The following FARP1 variants were observed in gnomAD, a reference collection of about 807,000 sequenced individuals.
FARP1 encodes the protein FERM, ARH/RhoGEF and pleckstrin domain protein 1.
Under a neutral mutation model 128.8 loss-of-function variants are expected in FARP1, and 52 were observed. That is an observed-to-expected ratio of 0.40 (90% CI 0.32 to 0.51). The LOEUF is 0.51. FARP1 is among the 20% of genes least tolerant of loss of function. The pLI is 0.45. For synonymous variants in FARP1, 580 were observed against 551.8 expected (o/e 1.05, Z -0.72); for missense variants, 1,333 against 1,367.9 (o/e 0.97, Z 0.40).
At chr13:98,203,623 C>G (rs1181240229) in intron 1 of FARP1, among the ~76,000 whole-genome samples, 1 of 152,136 alleles carries the variant, frequency 6.6e-6, no homozygotes, top group Non-Finnish European at 1.5e-5. Flanking sequence ...ATGGATAGAT[C>G]GCATTTGGTT....
rs188373378 is a variant in FARP1 at position 98,367,911 on chromosome 13, T to A, written c.320-206T>A. On this transcript the variant is annotated intron_variant, in intron 4 of 26. Transcript: ENST00000319562. ...GTAGTACTTTTGTCACAGTATTTTT[T>A]AAAAATGGATCTCTCTTTCCCCACA... Among the ~76,000 whole-genome samples the A allele has an allele frequency of 2.4e-3, 360 of 152,330 alleles. 5 individuals carry two copies. Among genetic ancestry groups the A allele is most frequent in the African/African-American group, 7.9e-3 (329 of 41,576 alleles).
chr13:98,409,829 C>T (rs1891122737), intron 14 of FARP1, among the ~76,000 whole-genome samples: 1 of 152,216 alleles, frequency 6.6e-6, no homozygotes, highest in South Asian at 2.1e-4. Flanking sequence ...ACTCTAGGTA[C>T]CTCATATAAG....
In FARP1 at chr13:98,213,247, G is replaced by A. The variant is rs1880838658; in HGVS notation, c.5G>A (p.Gly2Glu). Residue 2 changes from glycine to glutamate, a missense_variant, in exon 2 of 27, where the codon GGA becomes GAA. Coordinates refer to ENST00000319562, the MANE Select transcript of FARP1 (RefSeq NM_005766.4). M[G>E]EIEQRPTPGS... ...ATTCTCTAAGCCGCTTTCATCATGG[G>A]AGAAATAGAGCAGAGGCCGACCCCA... 1 of 1,611,714 alleles carries A rather than the reference G, an allele frequency of 6.2e-7. No homozygotes were observed. Among genetic ancestry groups the A allele is most frequent in the African/African-American group, 1.3e-5 (1 of 74,646 alleles).
chr13:98,407,937 G>T (rs1891042451), intron 13 of FARP1, among the ~76,000 whole-genome samples: 1 of 152,172 alleles, frequency 6.6e-6, no homozygotes, highest in Non-Finnish European at 1.5e-5. Context: ...ACTCCAGAGG[G>T]TGAGAACAGA....
At chr13:98,179,749 C>T (rs1312505199) in intron 1 of FARP1, among the ~76,000 whole-genome samples, 2 of 151,930 alleles carry the variant, frequency 1.3e-5, no homozygotes, top group South Asian at 2.1e-4. Context: ...CCCAGCTACT[C>T]GGAAGGCTGA....
Position 98,409,536 on chromosome 13 carries a change from G to A in FARP1, c.1602+11G>A, listed in dbSNP as rs777361910. The A allele has an allele frequency of 1.9e-6, 3 of 1,590,570 alleles. No individual in the cohort carries two copies. The highest frequency in any genetic ancestry group is 1.7e-4 in the Middle Eastern group (1 of 6,000). On this transcript the variant is annotated intron_variant, in intron 14 of 26. Coordinates refer to ENST00000319562, the MANE Select transcript of FARP1 (RefSeq NM_005766.4). ...GAGGGCCGGAGGAAGGTACAGGGCCGAGGGCTCAAGCGCGTGTGTGGCTGT... is the reference window on the plus strand; with the variant it reads ...GAGGGCCGGAGGAAGGTACAGGGCCAAGGGCTCAAGCGCGTGTGTGGCTGT...
At chr13:98,275,626 C>CTTTTTTTTTTTTTTTTTTTTTT (rs1566822544) in intron 2 of FARP1, among the ~76,000 whole-genome samples, 1 of 140,524 alleles carries the variant, frequency 7.1e-6, no homozygotes, top group Non-Finnish European at 1.5e-5. Flanking sequence ...TTCTCTTTCT[C>CTTTTTTTTTTTTTTTTTTTTTT]TCTTTTTTTT....
At chr13:98,392,323 C>CAAAATAAAAAAAAAA (rs1890338578) in intron 11 of FARP1, among the ~76,000 whole-genome samples, 1 of 60,410 alleles carries the variant, frequency 1.7e-5, no homozygotes, top group African/African-American at 6.6e-5. Flanking sequence ...CATCTCTACC[C>CAAAATAAAAAAAAAA]AAAAAAAAAA....
chr13:98,412,791 G>A (rs905732622), intron 16 of FARP1, among the ~76,000 whole-genome samples: 3 of 152,314 alleles, frequency 2.0e-5, no homozygotes, highest in Admixed American at 6.5e-5. Context: ...AAATCCTATG[G>A]CAGTTTTTTA....
intron 2 of FARP1, among the ~76,000 whole-genome samples, chr13:98,287,983 G>A (rs189091773): frequency 6.6e-6 from 1 of 152,038 alleles, no homozygotes; most frequent in East Asian, 2.0e-4. Context: ...TGTAATTTTA[G>A]TAGAGACAGA....
At chr13:98,230,552 G>A (rs1882051124) in intron 2 of FARP1, among the ~76,000 whole-genome samples, 1 of 152,200 alleles carries the variant, frequency 6.6e-6, no homozygotes, top group Non-Finnish European at 1.5e-5. Context: ...CTTGTTGTGA[G>A]GTCCCTGGGC....
At chr13:98,430,813 C>A (rs1891980924) in intron 17 of FARP1, among the ~76,000 whole-genome samples, 1 of 152,142 alleles carries the variant, frequency 6.6e-6, no homozygotes, top group African/African-American at 2.4e-5. Flanking sequence ...TTTTATGATC[C>A]ATGTGTATTT....
intron 2 of FARP1, among the ~76,000 whole-genome samples, chr13:98,250,454 G>A (rs9300469): frequency 0.39 from 58,573 of 151,954 alleles, 11,809 homozygotes; most frequent in South Asian, 0.54. Context: ...CGGGCACGGT[G>A]GCTCACACTT....
intron 2 of FARP1, among the ~76,000 whole-genome samples, chr13:98,254,105 G>A (rs907387967): frequency 1.3e-5 from 2 of 152,120 alleles, no homozygotes; most frequent in African/African-American, 2.4e-5. Flanking sequence ...CTGAGTTTCC[G>A]GGCAAAGTGA....
intron 6 of FARP1, among the ~76,000 whole-genome samples, chr13:98,380,185 G>A (rs537525855): frequency 2.0e-5 from 3 of 152,176 alleles, no homozygotes; most frequent in South Asian, 2.1e-4. Flanking sequence ...GGTGGCTCAC[G>A]CCTGTAATCC....
At chr13:98,241,271 C>A (rs551312248) in intron 2 of FARP1, among the ~76,000 whole-genome samples, 80 of 152,014 alleles carry the variant, frequency 5.3e-4, no homozygotes, top group Middle Eastern at 6.8e-3. Context: ...GCAGGACGAG[C>A]CTGAGAGCTT....
intron 2 of FARP1, 134 bp downstream of exon 2, chr13:98,213,547 C>T (rs1159372046): frequency 2.3e-6 from 2 of 879,710 alleles, no homozygotes; most frequent in African/African-American, 1.7e-5. Context: ...TCCCTCCCCG[C>T]CCCCCAATGG....
At chr13:98,265,070 T>C (rs1884039999) in intron 2 of FARP1, among the ~76,000 whole-genome samples, 1 of 152,148 alleles carries the variant, frequency 6.6e-6, no homozygotes, top group Non-Finnish European at 1.5e-5. Context: ...TAGGTGCCAG[T>C]GGTGTTCCCG....
At chr13:98,213,033 T>C (rs1441148461) in intron 1 of FARP1, among the ~76,000 whole-genome samples, 187 bp from the exon 2 acceptor site, 1 of 152,188 alleles carries the variant, frequency 6.6e-6, no homozygotes, top group East Asian at 1.9e-4. Flanking sequence ...GAATAAAGTA[T>C]GCAAAAAGTA....
Sources: gnomAD v4.1 joint callset for allele counts (sites outside exome capture counted in the v4.1 genomes callset) on GRCh38, gnomAD v4.1.1 for gene constraint, MANE v1.5 for transcripts, NCBI Gene and HGNC (gene_info 2026-07-23, HGNC 2026-07-21) for gene names.